Variants in DMD observed in about 807,000 individuals in gnomAD.
DMD encodes mutant dystrophin.
A neutral mutation model predicts 330.1 loss-of-function variants in DMD; 63 were observed. The ratio of observed to expected loss-of-function variants is 0.19; its 90% CI spans 0.16 to 0.24. The LOEUF is 0.24. DMD is among the 10% of genes least tolerant of loss of function. The pLI, the probability that DMD is intolerant of heterozygous loss-of-function variation, is 1.00. For synonymous variants in DMD, 1,223 were observed against 959.8 expected (o/e 1.27, Z -5.07); for missense variants, 3,344 against 2,684.1 (o/e 1.25, Z -5.43).
chrX:31,392,520 G>A (rs2060726670), intron 60 of DMD, among the ~76,000 whole-genome samples: 2 of 112,011 alleles, frequency 1.8e-5, no homozygotes, highest in Non-Finnish European at 3.8e-5. Flanking sequence ...CCTGACCCTG[G>A]TGTCAAGATT....
At chrX:32,832,035 C>T (rs1182879690) in intron 4 of DMD, among the ~76,000 whole-genome samples, 1 of 110,935 alleles carries the variant, frequency 9.0e-6, no homozygotes, top group Admixed American at 9.7e-5. Context: ...CAGGTCGTTT[C>T]TCACATTTGT....
intron 55 of DMD, among the ~76,000 whole-genome samples, chrX:31,586,806 A>C (rs1294591680): frequency 8.9e-6 from 1 of 112,205 alleles, no homozygotes; most frequent in Non-Finnish European, 1.9e-5. Context: ...CAAGACATCA[A>C]AAACAAATTG....
intron 62 of DMD, among the ~76,000 whole-genome samples, chrX:31,321,607 A>AGAAAGAAAG (rs1556500802): frequency 0.01 from 903 of 89,250 alleles, 41 homozygotes; most frequent in African/African-American, 0.05. Context: ...AAAAAAAAAA[A>AGAAAGAAAG]AAAGAAAGAA....
At chrX:31,809,156 AAT>A (rs1050351654) in intron 50 of DMD, among the ~76,000 whole-genome samples, 12 of 55,314 alleles carry the variant, frequency 2.2e-4, no homozygotes, top group East Asian at 6.5e-4. Flanking sequence ...TTTATATATA[AAT>A]ATATATGAGT....
At chrX:31,259,270 C>A (rs1039923679) in intron 63 of DMD, among the ~76,000 whole-genome samples, 5 of 111,431 alleles carry the variant, frequency 4.5e-5, no homozygotes, top group African/African-American at 1.6e-4. Context: ...ATCAGGAGGC[C>A]CACAGACTAA....
chrX:33,056,070 G>A (rs1255589608), intron 1 of DMD, among the ~76,000 whole-genome samples: 1 of 110,086 alleles, frequency 9.1e-6, no homozygotes, highest in Non-Finnish European at 1.9e-5. Context: ...GATATTGCGG[G>A]TCTGAAACAT....
At chrX:31,892,306 T>C (rs1421063851) in intron 47 of DMD, among the ~76,000 whole-genome samples, 1 of 111,736 alleles carries the variant, frequency 8.9e-6, no homozygotes, top group Non-Finnish European at 1.9e-5. Flanking sequence ...AAAATACTAT[T>C]ATACCCTGTA....
chrX:31,628,767 C>T (rs764316715), intron 54 of DMD, among the ~76,000 whole-genome samples: 2 of 109,697 alleles, frequency 1.8e-5, no homozygotes, highest in East Asian at 5.8e-4. Flanking sequence ...AAGTTGAGTG[C>T]CCCACGTTAT....
At chrX:31,653,163 G>C (rs940461242) in intron 54 of DMD, among the ~76,000 whole-genome samples, 5 of 111,210 alleles carry the variant, frequency 4.5e-5, no homozygotes, top group African/African-American at 9.8e-5. Context: ...CCTAGGAATA[G>C]AGAAGCAAAG....
intron 44 of DMD, among the ~76,000 whole-genome samples, chrX:32,099,717 G>A (rs1406371342): frequency 1.2e-5 from 1 of 81,663 alleles, no homozygotes; most frequent in African/African-American, 4.8e-5. Context: ...ACAGGAAGGG[G>A]AACATCACAC....
intron 60 of DMD, among the ~76,000 whole-genome samples, chrX:31,397,280 C>T (rs940184513): frequency 8.9e-6 from 1 of 111,777 alleles, no homozygotes; most frequent in African/African-American, 3.3e-5. Flanking sequence ...TAGACAAATC[C>T]AAAATGATGT....
intron 47 of DMD, among the ~76,000 whole-genome samples, chrX:31,921,517 G>C (rs2094689888): frequency 8.9e-6 from 1 of 111,967 alleles, no homozygotes; most frequent in Non-Finnish European, 1.9e-5. Flanking sequence ...CTCCCCAAGA[G>C]CCATATTTAC....
intron 34 of DMD, among the ~76,000 whole-genome samples, chrX:32,376,557 A>C (rs1055420230): frequency 2.7e-5 from 3 of 111,336 alleles, no homozygotes; most frequent in African/African-American, 9.8e-5. Flanking sequence ...AATACTATTA[A>C]ATTAATTAAA....
At chrX:31,854,897 T>C (rs1485415823) in intron 48 of DMD, among the ~76,000 whole-genome samples, 1 of 111,322 alleles carries the variant, frequency 9.0e-6, no homozygotes, top group Non-Finnish European at 1.9e-5. Context: ...ATGCACAAGA[T>C]GCCAGTAGCA....
intron 7 of DMD, among the ~76,000 whole-genome samples, chrX:32,771,503 TACACACACAC>T (rs754545800): frequency 2.8e-5 from 3 of 105,785 alleles, no homozygotes; most frequent in African/African-American, 1.1e-4. Context: ...ATTTTGTTAA[TACACACACAC>T]ACACACACAC....
intron 62 of DMD, among the ~76,000 whole-genome samples, chrX:31,315,466 T>G (rs752386973): frequency 3.5e-5 from 4 of 112,763 alleles, no homozygotes; most frequent in African/African-American, 9.6e-5. Context: ...ATTTATTTGA[T>G]GTGACTACTG....
chrX:31,278,027 A>AAAAG (rs147899024), intron 62 of DMD, among the ~76,000 whole-genome samples: 3,970 of 104,784 alleles, frequency 0.038, 227 homozygotes, highest in African/African-American at 0.13. Context: ...AAAAAAAAAA[A>AAAAG]AAAATATGAA....
In DMD at chrX:31,646,253, TTGTGTGTGTGTGTGTG is replaced by T. The variant is rs3032279; in HGVS notation, c.8027+11721_8027+11736del. ...GTTCTATCACATTGTGTGTTGTGTG[TTGTGTGTGTGTGTGTG>T]TGTGTGTGTGTGTAAAGAGAGAAGT... On this transcript the variant is annotated intron_variant, in intron 54 of 78. Coordinates refer to ENST00000357033, the MANE Select transcript of DMD (RefSeq NM_004006.3). Among the ~76,000 whole-genome samples, 5 of 103,034 alleles carry T rather than the reference TTGTGTGTGTGTGTGTG, an allele frequency of 4.9e-5. No individual in the cohort carries two copies. In the East Asian group the frequency reaches 1.5e-3, roughly 32 times the overall value. The allele number at this position is 103,034 out of a possible 115,157, so 89.5% of individuals were successfully genotyped here. A position where few individuals can be genotyped will look rare whatever the true frequency, so the allele number is the denominator to read the frequency against.
rs553322206 is a variant in DMD, at chrX:32,809,943, A to AAAAG, written c.531-336_531-333dup. Among the ~76,000 whole-genome samples, 162 of 83,929 alleles carry AAAAG rather than the reference A, an allele frequency of 1.9e-3. 1 individual carries two copies. Among genetic ancestry groups the AAAAG allele is most frequent in the African/African-American group, 5.6e-3 (116 of 20,879 alleles). 72.9% of individuals were successfully genotyped at this position (83,929 alleles called of 115,157 possible). A position where few individuals can be genotyped will look rare whatever the true frequency, so the allele number is the denominator to read the frequency against. ...CCAAAAAAAAAAAAAAAAAAAAAAA[A>AAAAG]AAAGAAAGAAAGAAAGAAAGAAAGA... On this transcript the variant is annotated intron_variant, in intron 6 of 78. Coordinates refer to ENST00000357033, the MANE Select transcript of DMD (RefSeq NM_004006.3).
Sources: gnomAD v4.1 joint callset for allele counts (sites outside exome capture counted in the v4.1 genomes callset) on GRCh38, gnomAD v4.1.1 for gene constraint, MANE v1.5 for transcripts, NCBI Gene and HGNC (gene_info 2026-07-23, HGNC 2026-07-21) for gene names.